INSC: variants seen among roughly 807,000 people sequenced by gnomAD.
The protein encoded by INSC is protein inscuteable homolog.
A neutral mutation model predicts 58.6 loss-of-function variants in INSC; 67 were observed. The ratio of observed to expected loss-of-function variants is 1.14; its 90% CI spans 0.94 to 1.40. INSC has a LOEUF of 1.40. Ranked by LOEUF, INSC falls within the 40% of genes most tolerant of loss-of-function variation. The pLI, the probability that INSC is intolerant of heterozygous loss-of-function variation, is 0.00. For missense variants in INSC, 714 were observed against 692.0 expected, an observed-to-expected ratio of 1.03 and a Z score of -0.36; for synonymous variants, 262 against 276.1, an observed-to-expected ratio of 0.95 and a Z score of 0.51.
chr11:15,121,031 A>C (rs1330670508), intron 1 of INSC, among the ~76,000 whole-genome samples: 1 of 147,028 alleles, frequency 6.8e-6, no homozygotes, highest in Non-Finnish European at 1.5e-5. Flanking sequence ...ATATTTTTAT[A>C]ATATATTTAT....
At chr11:15,225,103 T>C (rs1028721321) in intron 8 of INSC, among the ~76,000 whole-genome samples, 2 of 152,174 alleles carry the variant, frequency 1.3e-5, no homozygotes, top group Non-Finnish European at 2.9e-5. Flanking sequence ...TTTCCTTTGG[T>C]CTAGAATATT....
At chr11:15,114,859 G>C, upstream of INSC, 1 of 842,008 alleles carries the variant, frequency 1.2e-6, no homozygotes, top group Non-Finnish European at 1.4e-6. Context: ...GGGCGGGGGA[G>C]AACGGGGCGG....
intron 5 of INSC, among the ~76,000 whole-genome samples, chr11:15,186,689 C>G (rs1714372): frequency 0.74 from 111,861 of 152,016 alleles, 41,864 homozygotes; most frequent in East Asian, 0.99. Flanking sequence ...TCCAATCTTT[C>G]TGTGCCTTCC....
rs143438021 is a variant in INSC at position 15,121,216 on chromosome 11, A to G, written c.-46+6213A>G. ...CTAATAATGTCTTTATGGCTCCCCA[A>G]TCTCCCTCACCTCAGTTAGGATCCA... On this transcript the variant is annotated intron_variant, in intron 1 of 12. Transcript: ENST00000379556. Among the ~76,000 whole-genome samples, 36 of 152,208 alleles carry G rather than the reference A, an allele frequency of 2.4e-4. 1 individual carries two copies. The East Asian group carries it at 3.3e-3, about 14-fold the overall frequency.
chr11:15,124,148 A>T (rs1847935679), intron 1 of INSC, among the ~76,000 whole-genome samples: 1 of 152,194 alleles, frequency 6.6e-6, no homozygotes, highest in Non-Finnish European at 1.5e-5. Context: ...TTGGATTTAT[A>T]GCAGGACTCA....
At chr11:15,187,172 C>T (rs966448568) in intron 5 of INSC, among the ~76,000 whole-genome samples, 1 of 152,270 alleles carries the variant, frequency 6.6e-6, no homozygotes, top group Non-Finnish European at 1.5e-5. Flanking sequence ...TCAGGGCTCC[C>T]AAAACAGTGT....
intron 2 of INSC, among the ~76,000 whole-genome samples, chr11:15,167,138 C>T (rs1306268979): frequency 6.6e-6 from 1 of 150,554 alleles, no homozygotes; most frequent in East Asian, 1.9e-4. Context: ...ATATTATTAA[C>T]ACAGTAGTTT....
At chr11:15,180,412 T>G (rs540716336) in intron 5 of INSC, among the ~76,000 whole-genome samples, 1 of 152,224 alleles carries the variant, frequency 6.6e-6, no homozygotes, top group Non-Finnish European at 1.5e-5. Context: ...ATGCTTTAGG[T>G]CAGAAGAGCC....
At chr11:15,175,333 T>C (rs1465801216) in intron 2 of INSC, among the ~76,000 whole-genome samples, 1 of 152,242 alleles carries the variant, frequency 6.6e-6, no homozygotes, top group Non-Finnish European at 1.5e-5. Flanking sequence ...ATACCATAGC[T>C]CACTTAGTGT....
At chr11:15,147,064 A>G (rs911527123) in intron 1 of INSC, among the ~76,000 whole-genome samples, 2 of 152,130 alleles carry the variant, frequency 1.3e-5, no homozygotes, top group Non-Finnish European at 1.5e-5. Flanking sequence ...TTTCTTCTCA[A>G]TGATGAAGAT....
chr11:15,261,806 AAT>A, the INSC span, among the ~76,000 whole-genome samples: 1 of 152,160 alleles, frequency 6.6e-6, no homozygotes, highest in Non-Finnish European at 1.5e-5. Flanking sequence ...AGAAATTAGC[AAT>A]TAAAAATCAA....
At position 15,181,223 on chromosome 11, in the gene INSC, T is replaced by G. The variant is rs1056787695; in HGVS notation, c.579+2776T>G. On this transcript the variant is annotated intron_variant, in intron 5 of 12. Transcript: ENST00000379556. ...GTTTTGCTCGTGCATATATCTCTAG[T>G]GACTAGAACAGTATCTGGCATAGAA... 2.0e-5 allele frequency among the ~76,000 whole-genome samples: 3 copies of G among 152,204 alleles called. No homozygotes were observed. The South Asian group carries it at 6.2e-4, about 31-fold the overall frequency.
chr11:15,258,149 T>C, the INSC span, among the ~76,000 whole-genome samples: 2 of 152,216 alleles, frequency 1.3e-5, no homozygotes, highest in Admixed American at 6.5e-5. Flanking sequence ...CTATACTTTT[T>C]AAATATATAA....
chr11:15,148,247 G>A (rs1027050320), intron 1 of INSC, among the ~76,000 whole-genome samples: 2 of 152,158 alleles, frequency 1.3e-5, no homozygotes, highest in Non-Finnish European at 2.9e-5. Flanking sequence ...TGACTTAAAC[G>A]ACAAGAGCTT....
chr11:15,229,686 G>A (rs1304390709), intron 9 of INSC, among the ~76,000 whole-genome samples: 1 of 151,602 alleles, frequency 6.6e-6, no homozygotes, highest in East Asian at 1.9e-4. Context: ...GACTGGGATG[G>A]GTCGGAGACA....
intron 2 of INSC, among the ~76,000 whole-genome samples, chr11:15,157,047 T>TC (rs1008875065): frequency 1.3e-5 from 2 of 152,144 alleles, no homozygotes; most frequent in Admixed American, 1.3e-4. Context: ...TAGGACTTGG[T>TC]CCCCTCATTC....
chr11:15,199,211 C>G (rs543743608), intron 6 of INSC, among the ~76,000 whole-genome samples: 2 of 152,126 alleles, frequency 1.3e-5, no homozygotes, highest in Admixed American at 1.3e-4. Flanking sequence ...TTTGAATGCA[C>G]GAATGAATGT....
intron 10 of INSC, among the ~76,000 whole-genome samples, chr11:15,236,325 G>T (rs116787165): frequency 7.9e-5 from 12 of 152,162 alleles, no homozygotes; most frequent in Middle Eastern, 3.4e-3. Flanking sequence ...TTTTAATAGG[G>T]TCATGAGGAG....
chr11:15,178,542 G>C (rs1849654377), intron 5 of INSC, 95 bp downstream of exon 5: 4 of 1,414,482 alleles, frequency 2.8e-6, no homozygotes, highest in Non-Finnish European at 3.8e-6. Context: ...GGAAGCTACT[G>C]ATGTGGACTT....
Sources: allele counts gnomAD v4.1 joint callset (sites outside exome capture counted in the v4.1 genomes callset), GRCh38; gene constraint gnomAD v4.1.1; transcripts MANE v1.5; gene names NCBI Gene and HGNC (gene_info 2026-07-23, HGNC 2026-07-21).